The following PLEKHG2 variants were observed in gnomAD, a reference collection of about 807,000 sequenced individuals.
The protein encoded by PLEKHG2 is pleckstrin homology and RhoGEF domain containing G2, also known as pleckstrin homology domain-containing family G member 2.
PLEKHG2 carries 71 observed loss-of-function variants against 104.4 expected under a neutral mutation model. That is an observed-to-expected ratio of 0.68 (90% CI 0.56 to 0.83). PLEKHG2 has a LOEUF of 0.83. PLEKHG2 is among the 40% of genes least tolerant of loss of function. The pLI, the probability that PLEKHG2 is intolerant of heterozygous loss-of-function variation, is 0.00. For synonymous variants in PLEKHG2, 728 were observed against 737.0 expected (o/e 0.99, Z 0.20); for missense variants, 1,730 against 1,809.4 (o/e 0.96, Z 0.80).
chr19:39,420,328 C>G (rs943413332), intron 11 of PLEKHG2, among the ~76,000 whole-genome samples: 9 of 150,746 alleles, frequency 6.0e-5, no homozygotes, highest in Admixed American at 4.0e-4. Context: ...CTTTGCACTC[C>G]AACCTCGGCA....
chr19:39,422,082 G>A, intron 16 of PLEKHG2, 33 bp from the exon 17 acceptor site: 1 of 1,584,800 alleles, frequency 6.3e-7, no homozygotes, highest in Non-Finnish European at 8.6e-7. Context: ...AGGAGTCTTG[G>A]CTCTTGCCTT....
At chr19:39,414,927 A>G in intron 2 of PLEKHG2, 65 bp from the exon 3 acceptor site, 2 of 1,491,424 alleles carry the variant, frequency 1.3e-6, no homozygotes, top group South Asian at 1.3e-5. Context: ...GGCTGAACGC[A>G]TGAAAGGCTG....
rs1406878878 is a variant in PLEKHG2 at position 39,415,000 on chromosome 19, G to T, written c.118G>T (p.Ala40Ser). The change falls in exon 3 of 19, where the codon GCC becomes TCC. Residue 40 changes from alanine to serine, a missense_variant. Transcript: ENST00000425673. ...GTTCCACACCCCAGCAGCTCCTGCA[G>T]CCCCCACCATGGCCTCCCCCCGAGG... is the stretch of plus-strand genomic sequence containing the variant. ...TVCETRTAPAAPTMASPRGSG... is the reference protein window; with the variant it reads ...TVCETRTAPASPTMASPRGSG... The T allele has an allele frequency of 2.5e-6, 4 of 1,595,742 alleles. No individual in the cohort carries two copies. In the African/African-American group the frequency reaches 5.4e-5, roughly 21 times the overall value.
At chr19:39,414,925 G>A (rs2078576263) in intron 2 of PLEKHG2, 67 bp from the exon 3 acceptor site, 8 of 1,479,450 alleles carry the variant, frequency 5.4e-6, no homozygotes, top group South Asian at 1.4e-5. Flanking sequence ...TGGGCTGAAC[G>A]CATGAAAGGC....
At chr19:39,422,614 C>G (rs1488267632) in intron 17 of PLEKHG2, 118 bp from the exon 18 acceptor site, 5 of 1,300,192 alleles carry the variant, frequency 3.8e-6, no homozygotes, top group Non-Finnish European at 5.1e-6. Flanking sequence ...GTCTCGAACT[C>G]GTAACCTCAA....
In PLEKHG2 at chr19:39,428,321, T is replaced by C. The variant is rs2078805128; in HGVS notation, c.*3027T>C. On this transcript the variant is annotated 3_prime_UTR_variant, in exon 19 of 19. Coordinates refer to ENST00000425673, the MANE Select transcript of PLEKHG2 (RefSeq NM_022835.3). Reference sequence around the variant, plus strand: ...TGCCCGCATGAGGCTTGTGGCCTGGTACTGTGCACACCTCAGGGGATTCTG... The same window carrying C: ...TGCCCGCATGAGGCTTGTGGCCTGGCACTGTGCACACCTCAGGGGATTCTG... The C allele has an allele frequency of 6.6e-6, 1 of 152,310 alleles. No homozygotes were observed. Among genetic ancestry groups the C allele is most frequent in the Non-Finnish European group, 1.5e-5 (1 of 68,072 alleles). 9.4% of individuals were successfully genotyped at this position (152,310 alleles called of 1,614,324 possible). A position where few individuals can be genotyped will look rare whatever the true frequency, so the allele number is the denominator to read the frequency against.
intron 7 of PLEKHG2, 64 bp from the exon 8 acceptor site, chr19:39,417,491 C>A (rs959571936): frequency 5.1e-6 from 8 of 1,577,340 alleles, no homozygotes; most frequent in Non-Finnish European, 6.9e-6. Context: ...TCCTGTTATT[C>A]TCATTCTCTT....
rs754489840 is a variant in PLEKHG2, at chr19:39,415,270, G to A, written c.378+10G>A. ...CCGCAGCATCGTGGAGGTAAGGCGG[G>A]CAGACACCAGAGGGCAGTGGGTACC... On this transcript the variant is annotated intron_variant, in intron 3 of 18. Transcript: ENST00000425673. This position sits in a 1 kb window ranked among gnomAD's most constrained non-coding sequence, Gnocchi z 4.6. The A allele has an allele frequency of 1.3e-6, 2 of 1,598,234 alleles. No individual in the cohort carries two copies. Among genetic ancestry groups the A allele is most frequent in the South Asian group, 2.2e-5 (2 of 89,260 alleles).
At position 39,423,368 on chromosome 19, in the gene PLEKHG2, C is replaced by A. The variant is rs760480429; in HGVS notation, c.2314C>A (p.Gln772Lys). ...TTGCTCAGAAATCCGGAGCGCCTGGCAGGCATTGGAACAGGGACAGCTGGC... is the reference window on the plus strand; with the variant it reads ...TTGCTCAGAAATCCGGAGCGCCTGGAAGGCATTGGAACAGGGACAGCTGGC... Reference protein sequence around the residue: ...RSCSEIRSAWQALEQGQLARP... With the variant: ...RSCSEIRSAWKALEQGQLARP... Residue 772 changes from glutamine to lysine, a missense_variant, in exon 18 of 19, where the codon CAG becomes AAG. Physicochemically the swap from Gln to Lys is moderately conservative, Grantham distance 53 (BLOSUM62 1). Transcript: ENST00000425673. 3 of 1,613,110 alleles carry A rather than the reference C, an allele frequency of 1.9e-6. No individual in the cohort carries two copies. The highest frequency in any genetic ancestry group is 2.2e-5 in the East Asian group (1 of 44,868).
chr19:39,425,183 G>GC lies in PLEKHG2; in HGVS notation c.4052dup (p.Ala1352SerfsTer30). The GC allele has an allele frequency of 6.2e-7, 1 of 1,604,518 alleles. No individual in the cohort carries two copies. Among genetic ancestry groups the GC allele is most frequent in the East Asian group, 2.2e-5 (1 of 44,844 alleles). Reference sequence around the variant, plus strand: ...ACGTGGGCGGGGGTGGGCGGCTGCGGCCAGCCAAGGCCCAGGTCCGGTTGA... The same window carrying GC: ...ACGTGGGCGGGGGTGGGCGGCTGCGGCCCAGCCAAGGCCCAGGTCCGGTTGA... On this transcript the variant is annotated frameshift_variant, in exon 19 of 19. Transcript: ENST00000425673. LOFTEE classifies it high-confidence loss of function.
At chr19:39,420,227 C>T (rs1014587153) in intron 11 of PLEKHG2, among the ~76,000 whole-genome samples, 6 of 151,870 alleles carry the variant, frequency 4.0e-5, no homozygotes, top group South Asian at 2.1e-4. Flanking sequence ...GGTGTGGTAG[C>T]GGGCACCTGT....
chr19:39,424,173 A>AT lies in PLEKHG2; in HGVS notation c.3041dup (p.His1015ProfsTer15). The AT allele has an allele frequency of 6.2e-7, 1 of 1,614,062 alleles. No homozygotes were observed. Among genetic ancestry groups the AT allele is most frequent in the Non-Finnish European group, 8.5e-7 (1 of 1,180,010 alleles). The stretch of plus-strand genomic sequence containing the variant: ...TCCTGAGCAGGGACACTGTGCGGAC[A>AT]TCCACGTTCCCACCACTCCAGCTTT... On this transcript the variant is annotated frameshift_variant, in exon 19 of 19. Transcript: ENST00000425673. LOFTEE classifies it low-confidence loss of function (END_TRUNC).
In PLEKHG2 at chr19:39,426,845, A is replaced by AG; in HGVS notation, c.*1551_*1552insG. On this transcript the variant is annotated 3_prime_UTR_variant, in exon 19 of 19. Transcript: ENST00000425673. Reference sequence around the variant, plus strand: ...AGGGAAGGAGGAGCTTGGGAATCTGATTTTTTTTTTTTTTTTTAGATAAAG... The same window carrying AG: ...AGGGAAGGAGGAGCTTGGGAATCTGAGTTTTTTTTTTTTTTTTTAGATAAAG... 7.0e-6 allele frequency: 1 copy of AG among 142,196 alleles called. No individual in the cohort carries two copies. Among genetic ancestry groups the AG allele is most frequent in the East Asian group, 2.0e-4 (1 of 4,880 alleles). The allele number at this position is 142,196 out of a possible 1,614,324, so 8.8% of individuals were successfully genotyped here. A position where few individuals can be genotyped will look rare whatever the true frequency, so the allele number is the denominator to read the frequency against.
In PLEKHG2 at chr19:39,416,820, A is replaced by C; in HGVS notation, c.594-30A>C. 2 of 1,565,660 alleles carry C rather than the reference A, an allele frequency of 1.3e-6. No homozygotes were observed. Among genetic ancestry groups the C allele is most frequent in the Non-Finnish European group, 1.7e-6 (2 of 1,157,090 alleles). ...CTTGACCCCGCCCACTGGAACTGAC[A>C]ATCCCCACTGACCTGTGCTGTGCCC... On this transcript the variant is annotated intron_variant, in intron 6 of 18. Transcript: ENST00000425673. The surrounding 1 kb of genome is among the most constrained non-coding windows in gnomAD (Gnocchi z 4.5).
rs1295860481 is a variant in PLEKHG2, at chr19:39,425,115, C to T, written c.3982C>T (p.Pro1328Ser). ...GCCCCCCCAGCCCCAGCCACCACCT[C>T]CCCCAGCCAGGCGGCTCAGCTATGC... Reference protein sequence around the residue: ...SPPPQPQPPPPPARRLSYATT... With the variant: ...SPPPQPQPPPSPARRLSYATT... The change falls in exon 19 of 19, where the codon CCC becomes TCC. Residue 1328 changes from proline to serine, a missense_variant. Coordinates refer to ENST00000425673, the MANE Select transcript of PLEKHG2 (RefSeq NM_022835.3). The T allele has an allele frequency of 1.3e-6, 2 of 1,588,904 alleles. No individual in the cohort carries two copies. The highest frequency in any genetic ancestry group is 1.7e-6 in the Non-Finnish European group (2 of 1,167,968).
At chr19:39,418,128 G>A (rs978130510) in intron 9 of PLEKHG2, 23 bp downstream of exon 9, 3 of 1,481,936 alleles carry the variant, frequency 2.0e-6, no homozygotes, top group Non-Finnish European at 8.9e-7. Flanking sequence ...ATGGGGTGGG[G>A]CTAGAATACT....
rs1477025028 is a variant in PLEKHG2, at chr19:39,418,926, C to T, written c.1186C>T (p.Gln396Ter). Residue 396 changes from glutamine (Q) to a stop codon, truncating the protein, a stop_gained, in exon 11 of 19, where the codon CAA becomes TAA. Coordinates refer to ENST00000425673, the MANE Select transcript of PLEKHG2 (RefSeq NM_022835.3). LOFTEE classifies it high-confidence loss of function. ...KHRHLLQAKN[Q>*]EEKRLWIHCL... ...TCCAACCCACTCCTAGGCCAAGAACCAAGAAGAGAAGAGGCTGTGGATTCA... is the reference window on the plus strand; with the variant it reads ...TCCAACCCACTCCTAGGCCAAGAACTAAGAAGAGAAGAGGCTGTGGATTCA... 2.5e-6 allele frequency: 4 copies of T among 1,612,060 alleles called. No individual in the cohort carries two copies. Among genetic ancestry groups the T allele is most frequent in the Non-Finnish European group, 3.4e-6 (4 of 1,179,074 alleles).
rs2078779306 is a variant in PLEKHG2, at chr19:39,426,126, C to T, written c.*832C>T. The T allele has an allele frequency of 6.6e-6, 1 of 152,326 alleles. No homozygotes were observed. The highest frequency in any genetic ancestry group is 6.5e-5 in the Admixed American group (1 of 15,272). 9.4% of individuals were successfully genotyped at this position (152,326 alleles called of 1,614,324 possible). A position where few individuals can be genotyped will look rare whatever the true frequency, so the allele number is the denominator to read the frequency against. On this transcript the variant is annotated 3_prime_UTR_variant, in exon 19 of 19. Coordinates refer to ENST00000425673, the MANE Select transcript of PLEKHG2 (RefSeq NM_022835.3). ...TCCCAATCCATCGACATACCCCATC[C>T]CTCCCTCACTGGACTCTCCGGGGTC...
rs748397331 is a variant in PLEKHG2 at position 39,415,298 on chromosome 19, GGCCA to G, written c.379-37_379-34del. On this transcript the variant is annotated intron_variant, in intron 3 of 18. Coordinates refer to ENST00000425673, the MANE Select transcript of PLEKHG2 (RefSeq NM_022835.3). This position sits in a 1 kb window ranked among gnomAD's most constrained non-coding sequence, Gnocchi z 4.6. ...GACACCAGAGGGCAGTGGGTACCCA[GGCCA>G]GCCCCTTGGCCCCCATAACCCCAGT... The G allele has an allele frequency of 1.6e-4, 257 of 1,607,794 alleles. No homozygotes were observed. Among genetic ancestry groups the G allele is most frequent in the Non-Finnish European group, 2.1e-4 (245 of 1,176,972 alleles).
Sources: gnomAD v4.1 joint callset for allele counts (sites outside exome capture counted in the v4.1 genomes callset) on GRCh38, gnomAD v4.1.1 for gene constraint, Gnocchi (gnomAD v3.1) non-coding constraint, MANE v1.5 for transcripts, NCBI Gene and HGNC (gene_info 2026-07-23, HGNC 2026-07-21) for gene names.